FAM174A: variants seen among roughly 807,000 people sequenced by gnomAD.
The protein encoded by FAM174A is membrane protein FAM174A.
Under a neutral mutation model 14.3 loss-of-function variants are expected in FAM174A, and 14 were observed. That is an observed-to-expected ratio of 0.98 (90% CI 0.65 to 1.53). The LOEUF (loss-of-function observed/expected upper bound fraction) is 1.53, where lower values mean the gene tolerates loss of function less well. Among genes scored for constraint, FAM174A ranks in the 40% most tolerant of loss-of-function variants. The pLI is 0.00. For missense variants in FAM174A, 241 were observed against 249.6 expected, an observed-to-expected ratio of 0.97 and a Z score of 0.23; for synonymous variants, 108 against 111.4, an observed-to-expected ratio of 0.97 and a Z score of 0.19.
At chr5:100,567,171 G>A (rs1399054451) in intron 2 of FAM174A, among the ~76,000 whole-genome samples, 1 of 151,798 alleles carries the variant, frequency 6.6e-6, no homozygotes, top group Non-Finnish European at 1.5e-5. Flanking sequence ...ATCATCTTGA[G>A]TTATTTAGTA....
intron 2 of FAM174A, among the ~76,000 whole-genome samples, chr5:100,563,358 A>G (rs1746568192): frequency 6.6e-6 from 1 of 151,086 alleles, no homozygotes; most frequent in Non-Finnish European, 1.5e-5. Flanking sequence ...CTAAATTTAT[A>G]TCAGACAAAT....
intron 1 of FAM174A, among the ~76,000 whole-genome samples, chr5:100,561,167 A>T (rs1746514969): frequency 6.6e-6 from 1 of 151,926 alleles, no homozygotes; most frequent in Admixed American, 6.6e-5. Context: ...TGAGACACAA[A>T]CTGGAAGTAG....
rs779059148 is a variant in FAM174A, at chr5:100,562,062, G to A, written c.443G>A (p.Arg148Lys). The A allele has an allele frequency of 3.2e-6, 5 of 1,563,190 alleles. No individual in the cohort carries two copies. Among genetic ancestry groups the A allele is most frequent in the Non-Finnish European group, 3.5e-6 (4 of 1,151,430 alleles). Residue 148 changes from arginine (R) to lysine (K), a missense_variant, in exon 2 of 3, where the codon AGA becomes AAA. Transcript: ENST00000312637. Reference sequence around the variant, plus strand: ...TTTGTTCTATTTGATAGGATGAGAAGAAGAAACCGAAAGACTAGGAGATAT... The same window carrying A: ...TTTGTTCTATTTGATAGGATGAGAAAAAGAAACCGAAAGACTAGGAGATAT... ...YFVVRTVRMR[R>K]RNRKTRRYGV...
chr5:100,583,770 G>A (rs1010128577), intron 2 of FAM174A, among the ~76,000 whole-genome samples: 2 of 152,072 alleles, frequency 1.3e-5, no homozygotes, highest in Non-Finnish European at 2.9e-5. Flanking sequence ...GCACTTGATG[G>A]CTCTCAAGTC....
intron 2 of FAM174A, among the ~76,000 whole-genome samples, chr5:100,583,361 T>C (rs951968568): frequency 1.3e-5 from 2 of 152,230 alleles, no homozygotes; most frequent in Admixed American, 1.3e-4. Flanking sequence ...CCAATTCTTC[T>C]TCCACAGCTT....
chr5:100,535,752 G>C lies in FAM174A; in HGVS notation c.222G>C (p.Ala74=), dbSNP rs113665794. The part of the protein sequence containing the change: ...QQPGRGLAEA[A]GPRGSEGGNG... ...CGGGCCGTGGTCTGGCTGAAGCTGC[G>C]GGGCCGCGGGGCTCCGAGGGAGGCA... The change falls in exon 1 of 3, where the codon GCG becomes GCC. Residue 74 remains alanine (A), a synonymous_variant. Transcript: ENST00000312637. The C allele has an allele frequency of 1.2e-5, 19 of 1,603,872 alleles. No individual in the cohort carries two copies. The African/African-American group carries it at 1.2e-4, about 10-fold the overall frequency.
chr5:100,567,595 T>C (rs1447280553), intron 2 of FAM174A, among the ~76,000 whole-genome samples: 2 of 151,964 alleles, frequency 1.3e-5, no homozygotes, highest in Non-Finnish European at 2.9e-5. Context: ...GTACAAAATA[T>C]TCTATACTTG....
intron 2 of FAM174A, 98 bp from the exon 3 acceptor site, chr5:100,586,083 T>A: frequency 1.8e-6 from 1 of 567,516 alleles, no homozygotes; most frequent in Non-Finnish European, 3.1e-6. Context: ...ACTTTTATTA[T>A]ATTCTTCCTT....
intron 1 of FAM174A, among the ~76,000 whole-genome samples, chr5:100,538,865 A>G (rs567995801): frequency 1.4e-5 from 2 of 147,990 alleles, no homozygotes; most frequent in African/African-American, 5.0e-5. Flanking sequence ...GTATAAGGCC[A>G]GGGAGCGGGG....
intron 2 of FAM174A, among the ~76,000 whole-genome samples, chr5:100,582,424 T>C (rs895695232): frequency 5.3e-5 from 8 of 152,090 alleles, no homozygotes; most frequent in Non-Finnish European, 1.2e-4. Flanking sequence ...CTAAATGTTA[T>C]TGATGATTAT....
chr5:100,558,829 T>G (rs568861290), intron 1 of FAM174A, among the ~76,000 whole-genome samples: 2 of 152,098 alleles, frequency 1.3e-5, no homozygotes, highest in African/African-American at 2.4e-5. Context: ...GCCTATGTGT[T>G]TCTCTGCATG....
chr5:100,556,754 G>T (rs1746393424), intron 1 of FAM174A, among the ~76,000 whole-genome samples: 1 of 152,150 alleles, frequency 6.6e-6, no homozygotes, highest in African/African-American at 2.4e-5. Context: ...GTCTGTTATT[G>T]ATGTAGAACA....
At chr5:100,535,998 G>A in intron 1 of FAM174A, 34 bp downstream of exon 1, 1 of 1,524,502 alleles carries the variant, frequency 6.6e-7, no homozygotes, top group African/African-American at 1.4e-5. Context: ...ACCCCCGTGG[G>A]CCTGAGATAC....
At position 100,555,254 on chromosome 5, in the gene FAM174A, G is replaced by A. The variant is rs530154174; in HGVS notation, c.435-6800G>A. 5.3e-3 allele frequency among the ~76,000 whole-genome samples: 802 copies of A among 152,020 alleles called. 4 individuals are homozygous for A. The highest frequency in any genetic ancestry group is 8.4e-3 in the Non-Finnish European group (569 of 67,954). ...TCATCCATGTCCCTACAAAGGACAT[G>A]AACTCATCATTTTTTATGGGTGCAT... On this transcript the variant is annotated intron_variant, in intron 1 of 2. Coordinates refer to ENST00000312637, the MANE Select transcript of FAM174A (RefSeq NM_198507.3).
intron 2 of FAM174A, among the ~76,000 whole-genome samples, chr5:100,576,746 T>C (rs1219100455): frequency 6.6e-6 from 1 of 152,102 alleles, no homozygotes; most frequent in African/African-American, 2.4e-5. Flanking sequence ...GGAAAAAAAA[T>C]AGTTTGTGCT....
At position 100,573,076 on chromosome 5, in the gene FAM174A, T is replaced by C. The variant is rs530216940; in HGVS notation, c.569+10888T>C. On this transcript the variant is annotated intron_variant, in intron 2 of 2. Coordinates refer to ENST00000312637, the MANE Select transcript of FAM174A (RefSeq NM_198507.3). ...TTTTGAGAAGTGTCTGTTCATGTCCTTTGCCCACTTTTTGATGGGGTTATT... is the reference window on the plus strand; with the variant it reads ...TTTTGAGAAGTGTCTGTTCATGTCCCTTGCCCACTTTTTGATGGGGTTATT... Among the ~76,000 whole-genome samples, 1,275 of 152,328 alleles carry C rather than the reference T, an allele frequency of 8.4e-3. 15 individuals are homozygous for C. The highest frequency in any genetic ancestry group is 0.029 in the African/African-American group (1,215 of 41,568).
intron 1 of FAM174A, among the ~76,000 whole-genome samples, chr5:100,560,606 T>C (rs1746503936): frequency 6.6e-6 from 1 of 152,054 alleles, no homozygotes; most frequent in African/African-American, 2.4e-5. Context: ...CAGGTGCTAA[T>C]ATCATACCTG....
intron 1 of FAM174A, among the ~76,000 whole-genome samples, chr5:100,557,599 T>G (rs1029512198): frequency 9.9e-5 from 15 of 152,166 alleles, no homozygotes; most frequent in Non-Finnish European, 2.2e-4. Flanking sequence ...CTATTAATTA[T>G]TGCCTCAATT....
intron 2 of FAM174A, among the ~76,000 whole-genome samples, chr5:100,564,940 G>C (rs529869623): frequency 1.4e-4 from 22 of 151,920 alleles, no homozygotes; most frequent in African/African-American, 5.1e-4. Flanking sequence ...AATTATACCA[G>C]ACATTTAAAG....
Sources: allele counts gnomAD v4.1 joint callset (sites outside exome capture counted in the v4.1 genomes callset), GRCh38; gene constraint gnomAD v4.1.1; transcripts MANE v1.5; gene names NCBI Gene and HGNC (gene_info 2026-07-23, HGNC 2026-07-21).